Variants in GALNTL6 observed in about 807,000 individuals in gnomAD.
GALNTL6 encodes polypeptide N-acetylgalactosaminyltransferase like 6.
GALNTL6 carries 46 observed loss-of-function variants against 73.7 expected under a neutral mutation model. That is an observed-to-expected ratio of 0.62 (90% confidence interval 0.49 to 0.80). The LOEUF is 0.80. Among genes scored for constraint, GALNTL6 ranks in the 30% least tolerant of loss-of-function variants. The pLI is 0.00. For synonymous variants in GALNTL6, 259 were observed against 263.7 expected (o/e 0.98, Z 0.17); for missense variants, 604 against 755.0 (o/e 0.80, Z 2.34).
chr4:171,828,908 T>A (rs941124036), intron 2 of GALNTL6, among the ~76,000 whole-genome samples: 2 of 152,304 alleles, frequency 1.3e-5, no homozygotes, highest in Non-Finnish European at 2.9e-5. Flanking sequence ...ATGCTGGAAT[T>A]ACAGGTGTGA....
At chr4:172,723,029 A>C (rs1735577119) in intron 5 of GALNTL6, among the ~76,000 whole-genome samples, 1 of 152,054 alleles carries the variant, frequency 6.6e-6, no homozygotes, top group African/African-American at 2.4e-5. Flanking sequence ...CATTTTCTTG[A>C]CTTTTCTAAC....
chr4:172,578,494 A>G (rs1460840997), intron 5 of GALNTL6, among the ~76,000 whole-genome samples: 1 of 152,220 alleles, frequency 6.6e-6, no homozygotes, highest in African/African-American at 2.4e-5. Context: ...TGAAAAAAAT[A>G]TGTTTCCAAA....
At chr4:172,901,333 G>T (rs1032706971) in intron 8 of GALNTL6, among the ~76,000 whole-genome samples, 1 of 152,106 alleles carries the variant, frequency 6.6e-6, no homozygotes. Flanking sequence ...GGAATCAAAA[G>T]AGTTGTAGAC....
intron 5 of GALNTL6, among the ~76,000 whole-genome samples, chr4:172,430,019 A>G (rs561175414): frequency 6.6e-6 from 1 of 152,188 alleles, no homozygotes; most frequent in East Asian, 1.9e-4. Flanking sequence ...TTAATTTTAT[A>G]GAATTTCTTA....
chr4:172,029,335 C>T (rs899360916), intron 2 of GALNTL6, among the ~76,000 whole-genome samples: 11 of 151,956 alleles, frequency 7.2e-5, no homozygotes, highest in African/African-American at 2.2e-4. Flanking sequence ...CATGTTAAAA[C>T]GTTAATTTTT....
intron 8 of GALNTL6, among the ~76,000 whole-genome samples, chr4:172,891,057 C>T (rs2111212784): frequency 6.6e-6 from 1 of 151,134 alleles, no homozygotes; most frequent in South Asian, 2.1e-4. Context: ...CCATTCCTTT[C>T]CTTTGAGCCT....
chr4:172,303,231 C>T lies in GALNTL6; in HGVS notation c.248-8383C>T, dbSNP rs1428206112. 3.3e-5 allele frequency among the ~76,000 whole-genome samples: 5 copies of T among 152,098 alleles called. No individual in the cohort carries two copies. The East Asian group carries it at 9.6e-4, about 29-fold the overall frequency. ...GCCAGGCTGGTCTTGAACTCCTGAC[C>T]TTGTGATCCACCTGTCTCAGCCTCC... On this transcript the variant is annotated intron_variant, in intron 3 of 12. Coordinates refer to ENST00000506823, the MANE Select transcript of GALNTL6 (RefSeq NM_001034845.3).
At chr4:172,128,780 G>C (rs990379404) in intron 2 of GALNTL6, among the ~76,000 whole-genome samples, 2 of 152,156 alleles carry the variant, frequency 1.3e-5, no homozygotes, top group Non-Finnish European at 2.9e-5. Context: ...TTGTTTGCCA[G>C]TCTGGTTGTT....
At chr4:173,010,388 C>T (rs1314237065) in intron 11 of GALNTL6, among the ~76,000 whole-genome samples, 1 of 151,996 alleles carries the variant, frequency 6.6e-6, no homozygotes, top group Non-Finnish European at 1.5e-5. Context: ...GCATAGGTAC[C>T]ACATTTTCTT....
chr4:171,906,464 T>A (rs1737281196), intron 2 of GALNTL6, among the ~76,000 whole-genome samples: 1 of 151,840 alleles, frequency 6.6e-6, no homozygotes, highest in Admixed American at 6.6e-5. Flanking sequence ...AATCTCTGAA[T>A]AGACCAATAA....
chr4:172,895,712 C>A (rs900804599), intron 8 of GALNTL6, among the ~76,000 whole-genome samples: 1 of 152,036 alleles, frequency 6.6e-6, no homozygotes, highest in Non-Finnish European at 1.5e-5. Flanking sequence ...ACTTTATGTT[C>A]ATTTGTCCAT....
intron 5 of GALNTL6, among the ~76,000 whole-genome samples, chr4:172,653,231 T>TC (rs1300092777): frequency 2.0e-5 from 3 of 151,496 alleles, no homozygotes; most frequent in African/African-American, 7.3e-5. Flanking sequence ...TTCCTTTTTT[T>TC]TTTTTGAGAC....
At chr4:171,853,039 A>G (rs879708033) in intron 2 of GALNTL6, among the ~76,000 whole-genome samples, 1 of 66,614 alleles carries the variant, frequency 1.5e-5, no homozygotes, top group African/African-American at 5.6e-5. Context: ...TTTTTTTTGT[A>G]TTTTTAGTAG....
intron 5 of GALNTL6, among the ~76,000 whole-genome samples, chr4:172,599,095 A>G (rs1737961575): frequency 6.6e-6 from 1 of 152,142 alleles, no homozygotes; most frequent in Non-Finnish European, 1.5e-5. Context: ...AAGTACATAT[A>G]GAGTTTGAAG....
intron 5 of GALNTL6, among the ~76,000 whole-genome samples, chr4:172,550,835 G>C (rs542453403): frequency 7.9e-5 from 12 of 152,230 alleles, no homozygotes; most frequent in African/African-American, 2.9e-4. Flanking sequence ...AATTGTTCAT[G>C]TTTTTTCAAG....
At chr4:172,519,955 T>C (rs1734723808) in intron 5 of GALNTL6, among the ~76,000 whole-genome samples, 1 of 151,876 alleles carries the variant, frequency 6.6e-6, no homozygotes, top group Non-Finnish European at 1.5e-5. Context: ...GGCCAAACTT[T>C]TCAGTAAAAG....
intron 3 of GALNTL6, among the ~76,000 whole-genome samples, chr4:172,287,435 A>G (rs551599650): frequency 6.6e-6 from 1 of 152,350 alleles, no homozygotes; most frequent in South Asian, 2.1e-4. Context: ...TTGCCTTAGG[A>G]GATCTACAAA....
intron 7 of GALNTL6, among the ~76,000 whole-genome samples, chr4:172,874,118 A>G (rs1340384027): frequency 6.6e-6 from 1 of 152,244 alleles, no homozygotes; most frequent in Non-Finnish European, 1.5e-5. Flanking sequence ...GAAAAGTTAT[A>G]TTTGTGTCCA....
chr4:171,936,828 G>A (rs1738363482), intron 2 of GALNTL6, among the ~76,000 whole-genome samples: 1 of 152,022 alleles, frequency 6.6e-6, no homozygotes, highest in African/African-American at 2.4e-5. Flanking sequence ...TTCAAATGAA[G>A]AAGAAAAATA....
Sources: allele counts gnomAD v4.1 joint callset (sites outside exome capture counted in the v4.1 genomes callset), GRCh38; gene constraint gnomAD v4.1.1; transcripts MANE v1.5; gene names NCBI Gene and HGNC (gene_info 2026-07-23, HGNC 2026-07-21).